STMND1: variants seen among roughly 807,000 people sequenced by gnomAD.
The protein encoded by STMND1 is stathmin domain-containing protein 1.
STMND1 carries 17 observed loss-of-function variants against 23.0 expected under a neutral mutation model. The observed-to-expected ratio is 0.74, with a 90% CI of 0.51 to 1.11. The LOEUF is 1.11. STMND1 is among the 50% of genes least tolerant of loss of function. STMND1 has a pLI of 0.00. For missense variants in STMND1, 305 were observed against 329.1 expected (o/e 0.93, Z 0.57); for synonymous variants, 114 against 119.9 (o/e 0.95, Z 0.32).
At chr6:17,106,117 C>A (rs549190219) in intron 1 of STMND1, among the ~76,000 whole-genome samples, 1 of 152,084 alleles carries the variant, frequency 6.6e-6, no homozygotes, top group South Asian at 2.1e-4. Context: ...TCCTCTCTTT[C>A]CAGACTTTTC....
intron 1 of STMND1, among the ~76,000 whole-genome samples, chr6:17,104,164 C>G (rs766945370): frequency 6.6e-6 from 1 of 152,098 alleles, no homozygotes; most frequent in Non-Finnish European, 1.5e-5. Context: ...CCTGAGATGC[C>G]CTCCCTGGGA....
At chr6:17,110,965 C>G (rs1390188475) in intron 1 of STMND1, 4 of 445,320 alleles carry the variant, frequency 9.0e-6, no homozygotes, top group Non-Finnish European at 1.4e-5. Context: ...GGGCCAGCAC[C>G]TGGAGAGAGA....
At chr6:17,126,859 A>G (rs1385720506) in intron 3 of STMND1, among the ~76,000 whole-genome samples, 1 of 152,206 alleles carries the variant, frequency 6.6e-6, no homozygotes, top group African/African-American at 2.4e-5. Context: ...TAGATTTTAA[A>G]GCTGAAAGGA....
At chr6:17,109,214 C>A (rs182370380) in intron 1 of STMND1, among the ~76,000 whole-genome samples, 38 of 152,268 alleles carry the variant, frequency 2.5e-4, no homozygotes, top group Middle Eastern at 3.4e-3. Context: ...TTTTTGATGA[C>A]TTTCTTGTTT....
intron 2 of STMND1, among the ~76,000 whole-genome samples, chr6:17,119,673 C>A (rs1761204142): frequency 6.6e-6 from 1 of 151,356 alleles, no homozygotes. Flanking sequence ...GCACTCCAGC[C>A]CGAGTGACAA....
At chr6:17,128,850 C>T (rs1761344599) in intron 3 of STMND1, 1 of 292,724 alleles carries the variant, frequency 3.4e-6, no homozygotes, top group African/African-American at 2.2e-5. Context: ...GTAGCTGGGA[C>T]TACGGGCACA....
At chr6:17,123,486 A>G (rs995351763) in intron 3 of STMND1, among the ~76,000 whole-genome samples, 3 of 152,168 alleles carry the variant, frequency 2.0e-5, no homozygotes, top group African/African-American at 7.2e-5. Context: ...ACCCGCCGGT[A>G]CATTGGAGTC....
intron 3 of STMND1, among the ~76,000 whole-genome samples, chr6:17,126,068 A>ATATATATATATATT (rs1761298325): frequency 4.7e-5 from 1 of 21,388 alleles, no homozygotes; most frequent in African/African-American, 2.5e-4. Flanking sequence ...ATATATATAT[A>ATATATATATATATT]TATTTTTTTT....
Position 17,130,819 on chromosome 6 carries a change from G to T in STMND1, c.769G>T (p.Glu257Ter). 5 of 1,536,012 alleles carry T rather than the reference G, an allele frequency of 3.3e-6. No homozygotes were observed. The highest frequency in any genetic ancestry group is 3.5e-6 in the Non-Finnish European group (4 of 1,146,904). ...CTTGATTGATAGAAACGAAAGTGAT[G>T]AAAGTTTTGGGGTCGTGGAGTCAGA... ...ATLIDRNESD[E>*]SFGVVESDMS... Residue 257 changes from glutamate to a stop codon, truncating the protein, a stop_gained, in exon 5 of 5, where the codon GAA becomes TAA. Transcript: ENST00000536551. LOFTEE classifies it high-confidence loss of function.
At chr6:17,125,237 A>C (rs914929061) in intron 3 of STMND1, among the ~76,000 whole-genome samples, 1 of 152,128 alleles carries the variant, frequency 6.6e-6, no homozygotes, top group Admixed American at 6.6e-5. Flanking sequence ...TGTTGAGGGA[A>C]TCTTTCAGTG....
chr6:17,118,972 T>C (rs577955241), intron 2 of STMND1, among the ~76,000 whole-genome samples: 1 of 152,334 alleles, frequency 6.6e-6, no homozygotes, highest in East Asian at 1.9e-4. Context: ...AAGTGCTTAG[T>C]AAATGATCAT....
intron 1 of STMND1, among the ~76,000 whole-genome samples, chr6:17,104,564 G>A (rs548970212): frequency 5.2e-4 from 79 of 152,058 alleles, no homozygotes; most frequent in Admixed American, 1.5e-3. Flanking sequence ...ACATTTCTTG[G>A]GTAAGATAAT....
At chr6:17,105,763 A>G (rs1421758132) in intron 1 of STMND1, among the ~76,000 whole-genome samples, 1 of 151,418 alleles carries the variant, frequency 6.6e-6, no homozygotes, top group Non-Finnish European at 1.5e-5. Flanking sequence ...CGTCTCTACT[A>G]AAAATAGAAA....
chr6:17,118,686 C>G (rs1761190844), intron 2 of STMND1, among the ~76,000 whole-genome samples: 1 of 152,116 alleles, frequency 6.6e-6, no homozygotes, highest in African/African-American at 2.4e-5. Flanking sequence ...TAGAAACATC[C>G]TGGGAGAGAA....
At chr6:17,110,851 C>A (rs1276671324) in intron 1 of STMND1, 1 of 456,006 alleles carries the variant, frequency 2.2e-6, no homozygotes, top group Non-Finnish European at 4.4e-6. Flanking sequence ...GTTCTTATCT[C>A]TTCTGGAGAC....
chr6:17,123,895 G>C (rs887625776), intron 3 of STMND1, among the ~76,000 whole-genome samples: 18 of 152,116 alleles, frequency 1.2e-4, no homozygotes, highest in African/African-American at 3.4e-4. Flanking sequence ...CAGACACCAG[G>C]TGTCTTGCAT....
intron 2 of STMND1, 147 bp from the exon 3 acceptor site, chr6:17,120,460 A>T (rs184371737): frequency 1.7e-6 from 1 of 585,658 alleles, no homozygotes; most frequent in Admixed American, 3.4e-5. Flanking sequence ...TCAAAGGATC[A>T]CAAAGACTTA....
At chr6:17,102,495 T>A (rs1189315983) in intron 1 of STMND1, among the ~76,000 whole-genome samples, 157 bp downstream of exon 1, 3 of 152,248 alleles carry the variant, frequency 2.0e-5, no homozygotes, top group African/African-American at 7.2e-5. Flanking sequence ...TGCCGGTGTT[T>A]AACTGCTGTC....
intron 1 of STMND1, among the ~76,000 whole-genome samples, chr6:17,111,607 G>T (rs1761097959): frequency 6.6e-6 from 1 of 152,088 alleles, no homozygotes; most frequent in Admixed American, 6.6e-5. Flanking sequence ...TGTTGACATA[G>T]GTAAGTGTTT....
Sources: allele counts gnomAD v4.1 joint callset (sites outside exome capture counted in the v4.1 genomes callset), GRCh38; gene constraint gnomAD v4.1.1; transcripts MANE v1.5; gene names NCBI Gene and HGNC (gene_info 2026-07-23, HGNC 2026-07-21).